Variants in MLLT10 observed in about 807,000 individuals in gnomAD.
The protein encoded by MLLT10 is protein AF-10.
In MLLT10, 30 loss-of-function variants were observed where a neutral mutation model predicts 129.1. That is an observed-to-expected ratio of 0.23 (90% CI 0.17 to 0.32). The LOEUF (loss-of-function observed/expected upper bound fraction) is 0.32. Among genes scored for constraint, MLLT10 ranks in the 10% least tolerant of loss-of-function variants. The pLI is 1.00. For missense variants in MLLT10, 1,119 were observed against 1,268.3 expected (o/e 0.88, Z 1.79); for synonymous variants, 490 against 446.4 (o/e 1.10, Z -1.23).
rs1471419054 is a variant in MLLT10 at position 21,738,433 on chromosome 10, T to C, written c.2956-1597T>C. The C allele has an allele frequency of 3.9e-6, 5 of 1,288,842 alleles. No homozygotes were observed. The African/African-American group carries it at 4.6e-5, about 12-fold the overall frequency. 79.8% of individuals were successfully genotyped at this position (1,288,842 alleles called of 1,614,324 possible). On this transcript the variant is annotated intron_variant, in intron 21 of 22. Transcript: ENST00000307729. The stretch of plus-strand genomic sequence containing the variant: ...GTGTAGCTGTCTCATTTCCAGAACA[T>C]GGTTAAGGAATTTTCAGCACAAATT...
rs542382283 is a variant in MLLT10, at chr10:21,742,955, T to C, written c.*972T>C. ...TATTACCTGGGTATTTATCCACTAA[T>C]GAGTCACAAGAAAAGGAGTGGATTT... On this transcript the variant is annotated 3_prime_UTR_variant, in exon 23 of 23. Coordinates refer to ENST00000307729, the MANE Select transcript of MLLT10 (RefSeq NM_001195626.3). 6 of 229,088 alleles carry C rather than the reference T, an allele frequency of 2.6e-5. No homozygotes were observed. The highest frequency in any genetic ancestry group is 4.3e-5 in the Non-Finnish European group (5 of 115,556). 14.2% of individuals were successfully genotyped at this position (229,088 alleles called of 1,614,324 possible). A position where few individuals can be genotyped will look rare whatever the true frequency, so the allele number is the denominator to read the frequency against.
At chr10:21,576,588 TACAG>T (rs2040777767) in intron 3 of MLLT10, among the ~76,000 whole-genome samples, 2 of 151,984 alleles carry the variant, frequency 1.3e-5, no homozygotes, top group African/African-American at 4.8e-5. Flanking sequence ...GTGTGTTTCT[TACAG>T]ACACCTTGTG....
At chr10:21,739,015 C>G (rs1423286829) in intron 21 of MLLT10, among the ~76,000 whole-genome samples, 2 of 152,142 alleles carry the variant, frequency 1.3e-5, no homozygotes, top group African/African-American at 2.4e-5. Context: ...CATAACGTGT[C>G]CAGAACCGAA....
intron 2 of MLLT10, among the ~76,000 whole-genome samples, chr10:21,535,026 T>G (rs2033610010): frequency 6.8e-6 from 1 of 148,118 alleles, no homozygotes; most frequent in South Asian, 2.1e-4. Flanking sequence ...TCAAGTGTCA[T>G]TCGGCCGCCG....
Position 21,534,410 on chromosome 10 carries a change from T to TGAGGAGGAG in MLLT10, c.-103_-95dup, listed in dbSNP as rs527697532. 9.0e-6 allele frequency: 4 copies of TGAGGAGGAG among 442,808 alleles called. No homozygotes were observed. Among genetic ancestry groups the TGAGGAGGAG allele is most frequent in the Non-Finnish European group, 8.0e-6 (2 of 248,876 alleles). The allele number at this position is 442,808 out of a possible 1,614,324, so 27.4% of individuals were successfully genotyped here. A position where few individuals can be genotyped will look rare whatever the true frequency, so the allele number is the denominator to read the frequency against. ...GGGTGGAGGTGGGGAGGGAAGACGC[T>TGAGGAGGAG]GAGGAGGAGGAGGAGGCGGAGGAGG... On this transcript the variant is annotated 5_prime_UTR_variant, in exon 1 of 23. Coordinates refer to ENST00000307729, the MANE Select transcript of MLLT10 (RefSeq NM_001195626.3).
At chr10:21,711,364 G>T (rs1470169180) in intron 13 of MLLT10, among the ~76,000 whole-genome samples, 15 of 151,948 alleles carry the variant, frequency 9.9e-5, no homozygotes, top group African/African-American at 3.6e-4. Flanking sequence ...AGAGGTTACA[G>T]CGAGCCGAGA....
chr10:21,579,210 G>A (rs1457740358), intron 3 of MLLT10, among the ~76,000 whole-genome samples: 2 of 152,146 alleles, frequency 1.3e-5, no homozygotes, highest in African/African-American at 4.8e-5. Context: ...ATTTTATGAT[G>A]AGAAATCTGC....
intron 6 of MLLT10, among the ~76,000 whole-genome samples, chr10:21,613,046 T>C (rs1410555042): frequency 1.3e-5 from 2 of 151,760 alleles, no homozygotes; most frequent in African/African-American, 2.4e-5. Context: ...ACACAAAAAT[T>C]AGCCAGGTGT....
chr10:21,647,325 C>CA (rs1213883424), intron 8 of MLLT10, among the ~76,000 whole-genome samples: 1 of 152,104 alleles, frequency 6.6e-6, no homozygotes, highest in Non-Finnish European at 1.5e-5. Flanking sequence ...TACTAGGTCA[C>CA]ATGGTATGAG....
intron 14 of MLLT10, among the ~76,000 whole-genome samples, chr10:21,717,617 C>T (rs940209885): frequency 6.1e-5 from 8 of 130,974 alleles, no homozygotes; most frequent in Admixed American, 2.4e-4. Flanking sequence ...CTTCTTCCTC[C>T]TCTTCCTCCT....
intron 8 of MLLT10, among the ~76,000 whole-genome samples, chr10:21,629,872 G>A (rs1287289744): frequency 6.6e-6 from 1 of 152,220 alleles, no homozygotes; most frequent in African/African-American, 2.4e-5. Context: ...TGATGTGGGA[G>A]TATCTCTTGA....
chr10:21,584,912 A>AT (rs765968007), intron 3 of MLLT10, among the ~76,000 whole-genome samples: 62 of 149,964 alleles, frequency 4.1e-4, no homozygotes, highest in Non-Finnish European at 5.5e-4. Context: ...GTATATATAC[A>AT]TTTTTTTTTA....
chr10:21,691,169 T>C (rs1203257688), intron 13 of MLLT10, among the ~76,000 whole-genome samples: 2 of 152,174 alleles, frequency 1.3e-5, no homozygotes, highest in Non-Finnish European at 2.9e-5. Context: ...TACTTTTTTT[T>C]CTCTCTGTGT....
Position 21,534,297 on chromosome 10 carries a change from C to T in MLLT10, c.-224C>T, listed in dbSNP as rs1347230120. On this transcript the variant is annotated 5_prime_UTR_variant, in exon 1 of 23. Transcript: ENST00000307729. ...CTTCCCCTCCCTCGCTGCCCCTGGC[C>T]CAGCGGGAGCCCCCCCTCCCCCCAG... 1 of 390,362 alleles carries T rather than the reference C, an allele frequency of 2.6e-6. No individual in the cohort carries two copies. Among genetic ancestry groups the T allele is most frequent in the Non-Finnish European group, 4.5e-6 (1 of 220,224 alleles). The allele number at this position is 390,362 out of a possible 1,614,324, so 24.2% of individuals were successfully genotyped here.
intron 11 of MLLT10, among the ~76,000 whole-genome samples, chr10:21,678,368 G>A (rs562529394): frequency 1.4e-4 from 21 of 152,302 alleles, no homozygotes; most frequent in Non-Finnish European, 1.5e-4. Flanking sequence ...CTCGCAAAAT[G>A]CTGGGATTAC....
intron 5 of MLLT10, among the ~76,000 whole-genome samples, chr10:21,608,465 C>A (rs1465965135): frequency 6.6e-6 from 1 of 152,050 alleles, no homozygotes; most frequent in Non-Finnish European, 1.5e-5. Context: ...ATGTGAGTTA[C>A]CACTCCTAGC....
intron 9 of MLLT10, among the ~76,000 whole-genome samples, chr10:21,653,818 A>C (rs775914043): frequency 2.0e-5 from 3 of 152,234 alleles, no homozygotes; most frequent in African/African-American, 2.4e-5. Context: ...AGAGGTCTCA[A>C]CTTTGGATAT....
chr10:21,736,456 G>A (rs2058373186), intron 21 of MLLT10, among the ~76,000 whole-genome samples: 1 of 152,040 alleles, frequency 6.6e-6, no homozygotes, highest in Non-Finnish European at 1.5e-5. Flanking sequence ...GGCTAATTTT[G>A]TATTTTTTGT....
intron 5 of MLLT10, among the ~76,000 whole-genome samples, chr10:21,606,108 A>G (rs1258291594): frequency 6.6e-6 from 1 of 152,000 alleles, no homozygotes; most frequent in Non-Finnish European, 1.5e-5. Flanking sequence ...GTGACCTTTG[A>G]CGTTACTGTG....
Sources: allele counts gnomAD v4.1 joint callset (sites outside exome capture counted in the v4.1 genomes callset), GRCh38; gene constraint gnomAD v4.1.1; transcripts MANE v1.5; gene names NCBI Gene and HGNC (gene_info 2026-07-23, HGNC 2026-07-21).